The following CD163L1 variants were observed in gnomAD, a reference collection of about 807,000 sequenced individuals.
CD163L1 encodes the protein scavenger receptor cysteine-rich type 1 protein M160.
CD163L1 carries 124 observed loss-of-function variants against 165.4 expected under a neutral mutation model. The ratio of observed to expected loss-of-function variants is 0.75; its 90% CI spans 0.65 to 0.87. The LOEUF is 0.87. Among genes scored for constraint, CD163L1 ranks in the 40% least tolerant of loss-of-function variants. CD163L1 has a pLI of 0.00. For missense variants in CD163L1, 1,525 were observed against 1,799.9 expected, an observed-to-expected ratio of 0.85 and a Z score of 2.76; for synonymous variants, 585 against 662.2, an observed-to-expected ratio of 0.88 and a Z score of 1.79.
In CD163L1 at chr12:7,432,593, C is replaced by A. The variant is rs1328978316; in HGVS notation, c.589G>T (p.Gly197Ter). 6.2e-7 allele frequency: 1 copy of A among 1,614,106 alleles called. No individual in the cohort carries two copies. Among genetic ancestry groups the A allele is most frequent in the Non-Finnish European group, 8.5e-7 (1 of 1,180,024 alleles). ...GAAGAAATAAAAGAAGATGGACATC[C>A]TAGTTGCCTGCACACCACGGCAGCA... ...NTAAVVCRQLGCPSSFISSGV... is the reference protein window; with the variant it reads ...NTAAVVCRQL The change falls in exon 4 of 20, where the codon GGA (glycine) becomes TGA (stop). Residue 197 changes from glycine (G) to a stop codon, truncating the protein, a stop_gained. Coordinates refer to ENST00000313599, the MANE Select transcript of CD163L1 (RefSeq NM_174941.6). LOFTEE classifies it high-confidence loss of function. This position sits in a 1 kb window ranked among gnomAD's most constrained non-coding sequence, Gnocchi z 4.2.
intron 8 of CD163L1, among the ~76,000 whole-genome samples, chr12:7,380,666 A>G (rs1284713330): frequency 6.6e-6 from 1 of 152,040 alleles, no homozygotes; most frequent in Non-Finnish European, 1.5e-5. Flanking sequence ...AAAGACTACA[A>G]ATTGGGTTCA....
intron 18 of CD163L1, among the ~76,000 whole-genome samples, chr12:7,362,631 A>C (rs1279153867): frequency 6.9e-6 from 1 of 145,318 alleles, no homozygotes; most frequent in Admixed American, 7.0e-5. Context: ...TATAAATATA[A>C]ATATATATAA....
chr12:7,437,644 G>C (rs966894971), intron 2 of CD163L1, among the ~76,000 whole-genome samples: 2 of 147,886 alleles, frequency 1.4e-5, no homozygotes, highest in African/African-American at 5.0e-5. Context: ...CTTCATCCAT[G>C]TCCCTACAAA....
Position 7,375,345 on chromosome 12 carries a change from A to G in CD163L1, c.2937T>C (p.Cys979=). The change falls in exon 11 of 20, where the codon TGT becomes TGC. Residue 979 remains cysteine (C), a synonymous_variant. Transcript: ENST00000313599. ...GAGGTGCTCCAAGAACTGTCATTTG[A>G]CAGTTATCCAGAAGTGACTCATTCC... The part of the protein sequence containing the change: ...CLGNESLLDN[C]QMTVLGAPPC... 1 of 1,614,154 alleles carries G rather than the reference A, an allele frequency of 6.2e-7. No individual in the cohort carries two copies. The highest frequency in any genetic ancestry group is 8.5e-7 in the Non-Finnish European group (1 of 1,180,018).
In CD163L1 at chr12:7,412,479, C is replaced by T. The variant is rs1049727209; in HGVS notation, c.767-5627G>A. On this transcript the variant is annotated intron_variant, in intron 4 of 19. Coordinates refer to ENST00000313599, the MANE Select transcript of CD163L1 (RefSeq NM_174941.6). ...CCATTTGAAATGGAACATAAAATTT[C>T]CATGGAATAAAAGTTGACAATTTGT... Among the ~76,000 whole-genome samples, 11 of 151,996 alleles carry T rather than the reference C, an allele frequency of 7.2e-5. No homozygotes were observed. In the East Asian group the frequency reaches 2.1e-3, roughly 29 times the overall value.
At chr12:7,415,681 G>T (rs1258892002) in intron 4 of CD163L1, among the ~76,000 whole-genome samples, 1 of 152,086 alleles carries the variant, frequency 6.6e-6, no homozygotes, top group African/African-American at 2.4e-5. Flanking sequence ...GCAGTGTTTG[G>T]TTTTCTGTTA....
intron 4 of CD163L1, among the ~76,000 whole-genome samples, chr12:7,431,108 T>A (rs1948619721): frequency 6.6e-6 from 1 of 151,934 alleles, no homozygotes. Context: ...ATACTGATAG[T>A]AATGGAAATG....
chr12:7,389,066 T>A (rs975778510), intron 8 of CD163L1, among the ~76,000 whole-genome samples: 5 of 152,206 alleles, frequency 3.3e-5, no homozygotes, highest in Non-Finnish European at 5.9e-5. Flanking sequence ...GCAACAAACA[T>A]AGGAGTGCAG....
rs777566956 is a variant in CD163L1, at chr12:7,405,229, T to C, written c.1087+1303A>G. Among the ~76,000 whole-genome samples, 5 of 152,302 alleles carry C rather than the reference T, an allele frequency of 3.3e-5. No homozygotes were observed. The East Asian group carries it at 7.7e-4, about 23-fold the overall frequency. On this transcript the variant is annotated intron_variant, in intron 5 of 19. Transcript: ENST00000313599. The stretch of plus-strand genomic sequence containing the variant: ...CAAGTCAGAAGTACACAGTTATGAA[T>C]TCACTTCATTGTAAGAAAATTTATC...
At chr12:7,386,360 T>C (rs1331201012) in intron 8 of CD163L1, among the ~76,000 whole-genome samples, 30 of 152,012 alleles carry the variant, frequency 2.0e-4, no homozygotes, top group Admixed American at 2.0e-3. Flanking sequence ...CAGGACTAGA[T>C]GGCTTTACTG....
chr12:7,417,868 G>A (rs1396582122), intron 4 of CD163L1, among the ~76,000 whole-genome samples: 2 of 151,576 alleles, frequency 1.3e-5, no homozygotes, highest in African/African-American at 4.8e-5. Flanking sequence ...TTGGCCTGCA[G>A]TTTTTTGTTG....
rs780059344 is a variant in CD163L1 at position 7,369,558 on chromosome 12, C to A, written c.3838G>T (p.Ala1280Ser). ...VCDDSWDLAEAEVVCQQLGCG... is the reference protein window; with the variant it reads ...VCDDSWDLAESEVVCQQLGCG... ...CCCAGCTGCTGACACACCACTTCCG[C>A]CTCGGCCAGGTCCCAGGAGTCATCA... The change falls in exon 15 of 20, where the codon GCG becomes TCG. Residue 1280 changes from alanine to serine, a missense_variant. By Grantham distance (99) the Ala-to-Ser change is moderately conservative. Coordinates refer to ENST00000313599, the MANE Select transcript of CD163L1 (RefSeq NM_174941.6). This position sits in a 1 kb window ranked among gnomAD's most constrained non-coding sequence, Gnocchi z 4.9. The A allele has an allele frequency of 6.2e-7, 1 of 1,614,212 alleles. No homozygotes were observed. Among genetic ancestry groups the A allele is most frequent in the Admixed American group, 1.7e-5 (1 of 60,022 alleles).
chr12:7,367,542 T>A, intron 17 of CD163L1: 1 of 410,962 alleles, frequency 2.4e-6, no homozygotes, highest in Non-Finnish European at 4.5e-6. Context: ...TATTACCAAG[T>A]TCTTTACATA....
chr12:7,433,624 GA>G lies in CD163L1; in HGVS notation c.194del (p.Phe65SerfsTer40). ...CACACACAGTCCCCCACTGTCCCTG[GA>G]ATTTCACCTCCACTGTCCCAGAGCA... ...GPCSGTVEVK[F>X]QGQWGTVCDD... is the part of the protein sequence containing the mutation. On this transcript the variant is annotated frameshift_variant, in exon 3 of 20. Transcript: ENST00000313599. LOFTEE classifies it high-confidence loss of function. 6.2e-7 allele frequency: 1 copy of G among 1,614,046 alleles called. No homozygotes were observed. Among genetic ancestry groups the G allele is most frequent in the Non-Finnish European group, 8.5e-7 (1 of 1,179,980 alleles).
At chr12:7,421,347 G>GTA (rs1177439701) in intron 4 of CD163L1, among the ~76,000 whole-genome samples, 25 of 80,860 alleles carry the variant, frequency 3.1e-4, no homozygotes, top group East Asian at 2.0e-3. Context: ...TCTTCCAAAT[G>GTA]TATATATATG....
chr12:7,336,606 T>C, the CD163L1 span, among the ~76,000 whole-genome samples: 1 of 152,036 alleles, frequency 6.6e-6, no homozygotes. Context: ...CATGTATACA[T>C]ATGTAACTAA....
intron 7 of CD163L1, among the ~76,000 whole-genome samples, chr12:7,397,184 T>G (rs11053657): frequency 7.9e-5 from 12 of 152,092 alleles, no homozygotes; most frequent in Non-Finnish European, 1.8e-4. Flanking sequence ...TGAGTGAACA[T>G]ATATTTGATA....
At chr12:7,439,007 C>A (rs1389788775) in intron 2 of CD163L1, 1 of 1,604,588 alleles carries the variant, frequency 6.2e-7, no homozygotes, top group East Asian at 2.2e-5. Flanking sequence ...CTTCTTTTTC[C>A]TCCTGCCTCT....
At chr12:7,421,090 TATATATGTATATATACATTTGGAAGA>T in intron 4 of CD163L1, among the ~76,000 whole-genome samples, 1 of 114,236 alleles carries the variant, frequency 8.8e-6, no homozygotes, top group African/African-American at 4.1e-5. Context: ...TATATACGTA[TATATATGTATATATACATTTGGAAGA>T]AAATGTATAT....
Sources: gnomAD v4.1 joint callset for allele counts (sites outside exome capture counted in the v4.1 genomes callset) on GRCh38, gnomAD v4.1.1 for gene constraint, Gnocchi (gnomAD v3.1) non-coding constraint, MANE v1.5 for transcripts, NCBI Gene and HGNC (gene_info 2026-07-23, HGNC 2026-07-21) for gene names.